The following ASB7 variants were observed in gnomAD, a reference collection of about 807,000 sequenced individuals.
ASB7 encodes the protein ankyrin repeat and SOCS box protein 7.
ASB7 carries 4 observed loss-of-function variants against 32.5 expected under a neutral mutation model. The observed-to-expected ratio is 0.12, with a 90% CI of 0.06 to 0.28. The LOEUF is 0.28. Ranked by LOEUF, ASB7 falls within the 10% of genes least tolerant of loss-of-function variation. The pLI is 1.00. For missense variants in ASB7, 181 were observed against 407.1 expected (o/e 0.44, Z 4.78); for synonymous variants, 172 against 155.6 (o/e 1.11, Z -0.78).
rs2039553966 is a variant in ASB7, at chr15:100,602,632, T to G, written c.-687T>G. 1 of 218,342 alleles carries G rather than the reference T, an allele frequency of 4.6e-6. No individual in the cohort carries two copies. Among genetic ancestry groups the G allele is most frequent in the Non-Finnish European group, 8.9e-6 (1 of 112,242 alleles). The allele number at this position is 218,342 out of a possible 1,614,324, so 13.5% of individuals were successfully genotyped here. On this transcript the variant is annotated 5_prime_UTR_variant, in exon 1 of 6. Coordinates refer to ENST00000332783, the MANE Select transcript of ASB7 (RefSeq NM_198243.3). ...AAGGGAGGGGGCGGGGGTGGCCCAG[T>G]GCAAAGTGCATCCCGAAAGCCCCCT...
At chr15:100,603,749 T>C (rs1209553453) in intron 2 of ASB7, among the ~76,000 whole-genome samples, 1 of 152,218 alleles carries the variant, frequency 6.6e-6, no homozygotes, top group Non-Finnish European at 1.5e-5. Flanking sequence ...ACCTTTCTTC[T>C]ACCTGCATCA....
At chr15:100,643,664 T>A (rs1053603791) in intron 5 of ASB7, among the ~76,000 whole-genome samples, 5 of 150,914 alleles carry the variant, frequency 3.3e-5, no homozygotes, top group Non-Finnish European at 5.9e-5. Context: ...TAATTTTTTT[T>A]ATATTTTTTT....
intron 5 of ASB7, among the ~76,000 whole-genome samples, chr15:100,634,050 T>C (rs567213334): frequency 2.4e-4 from 36 of 152,320 alleles, no homozygotes; most frequent in Non-Finnish European, 4.6e-4. Context: ...CACAAGCAGA[T>C]GTTATTAAAC....
At chr15:100,610,768 C>G (rs970837119) in intron 3 of ASB7, among the ~76,000 whole-genome samples, 1 of 152,158 alleles carries the variant, frequency 6.6e-6, no homozygotes, top group African/African-American at 2.4e-5. Flanking sequence ...CCTGATATGT[C>G]TAACCTACAT....
At chr15:100,642,646 T>C (rs571851200) in intron 5 of ASB7, among the ~76,000 whole-genome samples, 3 of 152,226 alleles carry the variant, frequency 2.0e-5, no homozygotes, top group Non-Finnish European at 4.4e-5. Flanking sequence ...TGCAGAACTT[T>C]AGTGGCTTAA....
chr15:100,607,441 T>C (rs2039655299), intron 2 of ASB7, among the ~76,000 whole-genome samples: 1 of 152,232 alleles, frequency 6.6e-6, no homozygotes. Context: ...TGCTTTTGAC[T>C]ATTTGGGGGT....
Position 100,629,474 on chromosome 15 carries a change from G to A in ASB7, c.249G>A (p.Thr83=), listed in dbSNP as rs145337381. ...PTVKDLIGGF[T]ALHYAAMHGR... ...TTAAAGACTTAATCGGAGGCTTCAC[G>A]GCTCTTCACTATGCAGCCATGCATG... The change falls in exon 5 of 6, where the codon ACG becomes ACA. Residue 83 remains threonine, a synonymous_variant. Transcript: ENST00000332783. The surrounding 1 kb of genome is among the most constrained non-coding windows in gnomAD (Gnocchi z 6.8). The A allele has an allele frequency of 1.1e-5, 17 of 1,614,010 alleles. No individual in the cohort carries two copies. The South Asian group carries it at 1.1e-4, about 10-fold the overall frequency.
In ASB7 at chr15:100,617,920, G is replaced by A. The variant is rs543964463; in HGVS notation, c.211+5493G>A. ...TATCAAAAAATACTGGAAATGGGCC[G>A]CGTTATGGTGGGATTATAAAGTTGC... On this transcript the variant is annotated intron_variant, in intron 4 of 5. Coordinates refer to ENST00000332783, the MANE Select transcript of ASB7 (RefSeq NM_198243.3). Among the ~76,000 whole-genome samples, 174 of 152,090 alleles carry A rather than the reference G, an allele frequency of 1.1e-3. 1 individual carries two copies. Among genetic ancestry groups the A allele is most frequent in the Non-Finnish European group, 2.2e-3 (150 of 68,014 alleles).
At chr15:100,620,898 C>T (rs888005353) in intron 4 of ASB7, among the ~76,000 whole-genome samples, 1 of 152,128 alleles carries the variant, frequency 6.6e-6, no homozygotes, top group African/African-American at 2.4e-5. Flanking sequence ...GAAGTTAAGT[C>T]TATAAAGCAA....
At position 100,640,637 on chromosome 15, in the gene ASB7, C is replaced by T. The variant is rs1177337352; in HGVS notation, c.818-7686C>T. The stretch of plus-strand genomic sequence containing the variant: ...TACCCCTCTCCAACCCAAAGAACAA[C>T]TTTGGAACTTTGTTTTGCCTTCATT... On this transcript the variant is annotated intron_variant, in intron 5 of 5. Coordinates refer to ENST00000332783, the MANE Select transcript of ASB7 (RefSeq NM_198243.3). Among the ~76,000 whole-genome samples, 5 of 152,252 alleles carry T rather than the reference C, an allele frequency of 3.3e-5. No individual in the cohort carries two copies. The East Asian group carries it at 7.7e-4, about 24-fold the overall frequency.
At chr15:100,603,599 T>C (rs1056480750) in intron 2 of ASB7, among the ~76,000 whole-genome samples, 3 of 152,212 alleles carry the variant, frequency 2.0e-5, no homozygotes, top group African/African-American at 7.2e-5. Context: ...TCTGAGGCTT[T>C]GAGACCTTTT....
intron 5 of ASB7, among the ~76,000 whole-genome samples, chr15:100,633,654 G>GAGGAAGGAAGGAAGGAGGA (rs1357776361): frequency 1.4e-5 from 2 of 146,836 alleles, no homozygotes; most frequent in South Asian, 2.1e-4. Flanking sequence ...AAGAAGGAAG[G>GAGGAAGGAAGGAAGGAGGA]AGGAAGGAAG....
intron 4 of ASB7, among the ~76,000 whole-genome samples, chr15:100,627,146 C>T (rs1046750172): frequency 6.6e-6 from 1 of 151,936 alleles, no homozygotes; most frequent in Non-Finnish European, 1.5e-5. Context: ...TGTTTATATA[C>T]ATTAAATTTT....
chr15:100,636,290 G>T (rs2039922880), intron 5 of ASB7, among the ~76,000 whole-genome samples: 1 of 152,164 alleles, frequency 6.6e-6, no homozygotes, highest in Non-Finnish European at 1.5e-5. Context: ...GTTTGTTCAG[G>T]TTTTTTGTCT....
At chr15:100,640,392 G>A (rs1317448408) in intron 5 of ASB7, among the ~76,000 whole-genome samples, 4 of 152,126 alleles carry the variant, frequency 2.6e-5, no homozygotes, top group South Asian at 2.1e-4. Context: ...TGATCTGCCC[G>A]CCTTAGCCTC....
At chr15:100,616,736 A>ATTCCCTAGTAGAAT (rs2039746963) in intron 4 of ASB7, among the ~76,000 whole-genome samples, 1 of 152,240 alleles carries the variant, frequency 6.6e-6, no homozygotes, top group Non-Finnish European at 1.5e-5. Context: ...AGAGATTCAG[A>ATTCCCTAGTAGAAT]AAGTGTTTCA....
intron 4 of ASB7, among the ~76,000 whole-genome samples, chr15:100,620,112 AC>A (rs373576257): frequency 1.1e-3 from 168 of 152,198 alleles, no homozygotes; most frequent in African/African-American, 3.7e-3. Context: ...TTCCAGAGCT[AC>A]CCCCTCAGTA....
chr15:100,641,399 G>A (rs1300141001), intron 5 of ASB7, among the ~76,000 whole-genome samples: 3 of 152,166 alleles, frequency 2.0e-5, no homozygotes, highest in Admixed American at 2.0e-4. Context: ...AGAAATGACA[G>A]TACTTACCAT....
In ASB7 at chr15:100,629,395, T is replaced by C; in HGVS notation, c.212-42T>C. Reference sequence around the variant, plus strand: ...TGCCATGGTAATGTTTGTTGTTTTGTCTTGGAGTCTGCTAATACTTTCATT... The same window carrying C: ...TGCCATGGTAATGTTTGTTGTTTTGCCTTGGAGTCTGCTAATACTTTCATT... On this transcript the variant is annotated intron_variant, in intron 4 of 5. Coordinates refer to ENST00000332783, the MANE Select transcript of ASB7 (RefSeq NM_198243.3). This position sits in a 1 kb window ranked among gnomAD's most constrained non-coding sequence, Gnocchi z 6.8. 2.0e-6 allele frequency: 3 copies of C among 1,520,190 alleles called. No homozygotes were observed. Among genetic ancestry groups the C allele is most frequent in the Non-Finnish European group, 2.7e-6 (3 of 1,111,196 alleles). The allele number at this position is 1,520,190 out of a possible 1,614,324, so 94.2% of individuals were successfully genotyped here. A position where few individuals can be genotyped will look rare whatever the true frequency, so the allele number is the denominator to read the frequency against.
Sources: gnomAD v4.1 joint callset for allele counts (sites outside exome capture counted in the v4.1 genomes callset) on GRCh38, gnomAD v4.1.1 for gene constraint, Gnocchi (gnomAD v3.1) non-coding constraint, MANE v1.5 for transcripts, NCBI Gene and HGNC (gene_info 2026-07-23, HGNC 2026-07-21) for gene names.